Variants in ZFHX3 observed in about 807,000 individuals in gnomAD.
The protein encoded by ZFHX3 is zinc finger homeobox protein 3.
A neutral mutation model predicts 279.1 loss-of-function variants in ZFHX3; 42 were observed. That is an observed-to-expected ratio of 0.15 (90% CI 0.12 to 0.19). The LOEUF (loss-of-function observed/expected upper bound fraction) is 0.19, where lower values mean the gene tolerates loss of function less well. Ranked by LOEUF, ZFHX3 falls within the 10% of genes least tolerant of loss-of-function variation. The probability of loss-of-function intolerance (pLI) is 1.00; values close to 1 mark genes in which losing one functional copy is unlikely to be tolerated. For missense variants in ZFHX3, 4,981 were observed against 4,754.0 expected (o/e 1.05, Z -1.40); for synonymous variants, 2,293 against 1,957.8 (o/e 1.17, Z -4.52).
At chr16:73,547,018 T>C (rs1348930356) in intron 2 of ZFHX3, among the ~76,000 whole-genome samples, 2 of 152,122 alleles carry the variant, frequency 1.3e-5, no homozygotes, top group Non-Finnish European at 2.9e-5. Context: ...ATATCCAACG[T>C]TGCAAAAGCA....
At chr16:73,819,964 T>C (rs1960686144) in intron 1 of ZFHX3, among the ~76,000 whole-genome samples, 1 of 152,190 alleles carries the variant, frequency 6.6e-6, no homozygotes, top group Non-Finnish European at 1.5e-5. Context: ...TCCCACCAAC[T>C]CTTCTGCAAT....
chr16:73,592,539 A>G (rs759718727), intron 2 of ZFHX3, among the ~76,000 whole-genome samples: 32 of 152,186 alleles, frequency 2.1e-4, no homozygotes, highest in African/African-American at 9.6e-5. Context: ...GATATATACT[A>G]AAATATTTAT....
intron 7 of ZFHX3, among the ~76,000 whole-genome samples, chr16:73,121,618 CTTT>C (rs35251426): frequency 1.4e-5 from 2 of 140,278 alleles, no homozygotes; most frequent in Admixed American, 7.2e-5. Flanking sequence ...TTGCAGCTTT[CTTT>C]TTTTTTTTTT....
At chr16:73,536,839 G>A (rs907786085) in intron 2 of ZFHX3, among the ~76,000 whole-genome samples, 5 of 152,072 alleles carry the variant, frequency 3.3e-5, no homozygotes, top group Non-Finnish European at 5.9e-5. Context: ...ATTAAAATGA[G>A]AGCAATACAT....
At chr16:73,355,266 T>C (rs1000585495) in intron 3 of ZFHX3, among the ~76,000 whole-genome samples, 1 of 152,224 alleles carries the variant, frequency 6.6e-6, no homozygotes, top group Admixed American at 6.5e-5. Context: ...TCTTCTTATG[T>C]ATGTTTTAAT....
chr16:73,725,358 CG>C (rs1423810375), intron 1 of ZFHX3, among the ~76,000 whole-genome samples: 2 of 152,144 alleles, frequency 1.3e-5, no homozygotes, highest in Admixed American at 6.5e-5. Flanking sequence ...AGACATGTGT[CG>C]GGGCCTGGAG....
intron 1 of ZFHX3, among the ~76,000 whole-genome samples, chr16:73,757,169 G>C (rs935748723): frequency 6.6e-6 from 1 of 152,160 alleles, no homozygotes; most frequent in Non-Finnish European, 1.5e-5. Flanking sequence ...GTATGGCTGG[G>C]GTGGAAAGGG....
chr16:73,250,346 T>C (rs1048698133), intron 5 of ZFHX3, among the ~76,000 whole-genome samples: 2 of 152,230 alleles, frequency 1.3e-5, no homozygotes, highest in African/African-American at 2.4e-5. Flanking sequence ...ATGTTATCAA[T>C]TGCTATATAT....
chr16:73,051,956 G>A (rs1051271116), upstream of ZFHX3, among the ~76,000 whole-genome samples: 1 of 152,222 alleles, frequency 6.6e-6, no homozygotes, highest in Non-Finnish European at 1.5e-5. Context: ...GCGGACAGAT[G>A]CTTAAGGACA....
At position 73,089,845 on chromosome 16, in the gene ZFHX3, G is replaced by C. The variant is rs142533035; in HGVS notation, c.-533+3390C>G. Among the ~76,000 whole-genome samples, 919 of 152,322 alleles carry C rather than the reference G, an allele frequency of 6.0e-3. 6 individuals are homozygous for C. Among genetic ancestry groups the C allele is most frequent in the Non-Finnish European group, 9.3e-3 (636 of 68,034 alleles). Reference sequence around the variant, plus strand: ...TTCAAGGCTGGGGAATTATCTGTAGGATATAAGGATGAAGAAATATTCCTG... The same window carrying C: ...TTCAAGGCTGGGGAATTATCTGTAGCATATAAGGATGAAGAAATATTCCTG... On this transcript the variant is annotated intron_variant, in intron 8 of 17. Transcript: ENST00000641206.
intron 5 of ZFHX3, chr16:73,232,575 G>C (rs2012810592): frequency 6.6e-6 from 1 of 152,230 alleles, no homozygotes; most frequent in Non-Finnish European, 1.5e-5. Flanking sequence ...AGGGAATCTC[G>C]ATGGCTTGGA....
intron 3 of ZFHX3, among the ~76,000 whole-genome samples, chr16:73,333,805 CAAAAAAAAAAAAAAA>C (rs36006944): frequency 3.7e-5 from 2 of 53,846 alleles, no homozygotes; most frequent in South Asian, 8.3e-4. Flanking sequence ...CCCAAGAGAC[CAAAAAAAAAAAAAAA>C]AAAAAAAAAA....
intron 5 of ZFHX3, among the ~76,000 whole-genome samples, chr16:73,171,287 A>G (rs1445752360): frequency 1.3e-5 from 2 of 152,108 alleles, no homozygotes; most frequent in East Asian, 3.9e-4. Context: ...GGGATAATAG[A>G]TACAAACTGG....
chr16:73,642,043 C>G, intron 2 of ZFHX3, among the ~76,000 whole-genome samples: 1 of 151,970 alleles, frequency 6.6e-6, no homozygotes, highest in Non-Finnish European at 1.5e-5. Context: ...ACGCTTCCAC[C>G]AAATTTGTTT....
intron 1 of ZFHX3, among the ~76,000 whole-genome samples, chr16:73,768,409 T>C (rs942312386): frequency 1.3e-5 from 2 of 152,228 alleles, no homozygotes; most frequent in South Asian, 2.1e-4. Context: ...ATGTTACTTT[T>C]ATATTATTAA....
chr16:73,208,348 A>G (rs974722740), intron 5 of ZFHX3, among the ~76,000 whole-genome samples: 2 of 152,228 alleles, frequency 1.3e-5, no homozygotes, highest in Admixed American at 6.5e-5. Flanking sequence ...ACATAAAACC[A>G]TGTACACAAT....
chr16:72,910,255 G>A (rs1017662174), intron 3 of ZFHX3, among the ~76,000 whole-genome samples: 6 of 152,146 alleles, frequency 3.9e-5, no homozygotes, highest in Admixed American at 6.5e-5. Context: ...CTGAGTCTAC[G>A]CCTTCCAGTA....
intron 4 of ZFHX3, among the ~76,000 whole-genome samples, chr16:72,883,011 T>C (rs1222697869): frequency 4.2e-5 from 6 of 144,380 alleles, no homozygotes; most frequent in Admixed American, 1.4e-4. Context: ...TGTGTGTGTG[T>C]GTGTGTGTGT....
At chr16:73,256,124 G>A (rs558442654) in intron 5 of ZFHX3, among the ~76,000 whole-genome samples, 8 of 152,280 alleles carry the variant, frequency 5.3e-5, no homozygotes, top group Middle Eastern at 3.4e-3. Flanking sequence ...CTCGAACATC[G>A]TCTAGGAGGA....
Sources: gnomAD v4.1 joint callset for allele counts (sites outside exome capture counted in the v4.1 genomes callset) on GRCh38, gnomAD v4.1.1 for gene constraint, MANE v1.5 for transcripts, NCBI Gene and HGNC (gene_info 2026-07-23, HGNC 2026-07-21) for gene names.